Variants in NSD3 observed in about 807,000 individuals in gnomAD.
NSD3 encodes the protein histone-lysine N-methyltransferase NSD3.
A neutral mutation model predicts 160.8 loss-of-function variants in NSD3; 24 were observed. The observed-to-expected ratio is 0.15, with a 90% CI of 0.11 to 0.21. The LOEUF is 0.21. Ranked by LOEUF, NSD3 falls within the 10% of genes least tolerant of loss-of-function variation. The pLI, the probability that NSD3 is intolerant of heterozygous loss-of-function variation, is 1.00. For missense variants in NSD3, 1,157 were observed against 1,735.9 expected (o/e 0.67, Z 5.93); for synonymous variants, 520 against 600.0 (o/e 0.87, Z 1.95).
chr8:38,287,840 GACGGGGTTTC>G (rs1808901129), intron 19 of NSD3, among the ~76,000 whole-genome samples: 1 of 152,110 alleles, frequency 6.6e-6, no homozygotes, highest in Non-Finnish European at 1.5e-5. Flanking sequence ...TTTTAGTAGA[GACGGGGTTTC>G]ACCATGTTAG....
intron 1 of NSD3, among the ~76,000 whole-genome samples, chr8:38,375,899 A>G (rs1182595056): frequency 1.3e-5 from 2 of 152,114 alleles, no homozygotes; most frequent in African/African-American, 4.8e-5. Flanking sequence ...TAAAGTTTTA[A>G]CAATTTTAAT....
intron 1 of NSD3, among the ~76,000 whole-genome samples, chr8:38,380,459 T>G (rs1188131373): frequency 1.3e-5 from 2 of 152,238 alleles, no homozygotes; most frequent in Non-Finnish European, 2.9e-5. Flanking sequence ...TGACTGCTTC[T>G]GAGGCTTCCG....
At chr8:38,360,848 T>G (rs778726165) in intron 1 of NSD3, among the ~76,000 whole-genome samples, 19 of 152,240 alleles carry the variant, frequency 1.2e-4, no homozygotes, top group Non-Finnish European at 2.6e-4. Flanking sequence ...ATGCCATTTT[T>G]GTATAATTAC....
intron 4 of NSD3, among the ~76,000 whole-genome samples, chr8:38,336,352 A>C (rs1563359079): frequency 6.6e-6 from 1 of 152,240 alleles, no homozygotes; most frequent in Non-Finnish European, 1.5e-5. Flanking sequence ...TCTTTGGTCA[A>C]ATCCCAGAAA....
At position 38,272,406 on chromosome 8, in the gene NSD3, G is replaced by A. The variant is rs1435371864; in HGVS notation, c.*3235C>T. On this transcript the variant is annotated 3_prime_UTR_variant, in exon 24 of 24. Transcript: ENST00000317025. The stretch of plus-strand genomic sequence containing the variant: ...TCTCTCCCTGATTAGACATTAAAGA[G>A]GTGAATCACTGCCTCTGGCTGCTTC... 6.6e-6 allele frequency: 1 copy of A among 152,224 alleles called. No homozygotes were observed. The highest frequency in any genetic ancestry group is 2.4e-5 in the African/African-American group (1 of 41,442). The allele number at this position is 152,224 out of a possible 1,614,324, so 9.4% of individuals were successfully genotyped here.
At chr8:38,363,823 T>C (rs575772339) in intron 1 of NSD3, 1 of 152,312 alleles carries the variant, frequency 6.6e-6, no homozygotes, top group Admixed American at 6.5e-5. Context: ...AAGTTTGTTG[T>C]AATTTGTTAC....
At chr8:38,311,472 A>G (rs781104494) in intron 12 of NSD3, among the ~76,000 whole-genome samples, 72 of 152,126 alleles carry the variant, frequency 4.7e-4, no homozygotes, top group Non-Finnish European at 8.2e-4. Context: ...AATTATAGGC[A>G]TGTGCCACCA....
At chr8:38,302,066 C>T (rs1249348945) in intron 14 of NSD3, among the ~76,000 whole-genome samples, 2 of 152,244 alleles carry the variant, frequency 1.3e-5, no homozygotes, top group Non-Finnish European at 2.9e-5. Context: ...GGAGTGATGT[C>T]AAACCCTGAA....
intron 1 of NSD3, among the ~76,000 whole-genome samples, chr8:38,353,671 C>T (rs147453985): frequency 6.6e-5 from 10 of 152,292 alleles, no homozygotes; most frequent in African/African-American, 2.2e-4. Flanking sequence ...ACATTACCTT[C>T]TTATAATTAC....
intron 1 of NSD3, among the ~76,000 whole-genome samples, chr8:38,361,159 A>G (rs988679299): frequency 6.6e-6 from 1 of 151,960 alleles, no homozygotes; most frequent in Non-Finnish European, 1.5e-5. Flanking sequence ...AAGCCCAGCT[A>G]ATTTTTGTAT....
chr8:38,310,893 A>G (rs1809518225), intron 12 of NSD3, among the ~76,000 whole-genome samples: 1 of 152,054 alleles, frequency 6.6e-6, no homozygotes, highest in Non-Finnish European at 1.5e-5. Flanking sequence ...TTAAGAAACC[A>G]TCATTGGGTT....
At chr8:38,277,828 G>T (rs1342944005) in intron 22 of NSD3, among the ~76,000 whole-genome samples, 1 of 152,012 alleles carries the variant, frequency 6.6e-6, no homozygotes, top group African/African-American at 2.4e-5. Context: ...AAGCTTCCTT[G>T]GAAAGTCACA....
chr8:38,370,561 T>C (rs542273675), intron 1 of NSD3, among the ~76,000 whole-genome samples: 1 of 152,256 alleles, frequency 6.6e-6, no homozygotes, highest in East Asian at 1.9e-4. Flanking sequence ...CTAAAATCTC[T>C]CTCAAATGCA....
At position 38,304,841 on chromosome 8, in the gene NSD3, T is replaced by A. The variant is rs1809358419; in HGVS notation, c.2441-84A>T. On this transcript the variant is annotated intron_variant, in intron 13 of 23. Coordinates refer to ENST00000317025, the MANE Select transcript of NSD3 (RefSeq NM_023034.2). ...GTTTCTGGAGTTGGGCTTTTTTGGG[T>A]CCCTCTGAGATGCTAGTTACAGTAG... 3 of 1,419,942 alleles carry A rather than the reference T, an allele frequency of 2.1e-6. No homozygotes were observed. In the Admixed American group the frequency reaches 7.3e-5, roughly 35 times the overall value. The allele number at this position is 1,419,942 out of a possible 1,614,324, so 88.0% of individuals were successfully genotyped here.
chr8:38,305,805 T>G (rs1356466511), intron 12 of NSD3, among the ~76,000 whole-genome samples: 1 of 152,186 alleles, frequency 6.6e-6, no homozygotes, highest in Non-Finnish European at 1.5e-5. Flanking sequence ...AGATAATCAC[T>G]GATTATTTCT....
At chr8:38,307,131 A>T (rs201433510) in intron 12 of NSD3, among the ~76,000 whole-genome samples, 3 of 105,618 alleles carry the variant, frequency 2.8e-5, no homozygotes, top group East Asian at 3.1e-4. Context: ...AAAAAAAATA[A>T]AATAAAATAA....
At chr8:38,361,196 G>A (rs888955189) in intron 1 of NSD3, among the ~76,000 whole-genome samples, 12 of 152,084 alleles carry the variant, frequency 7.9e-5, no homozygotes, top group Non-Finnish European at 1.5e-4. Context: ...GTTTCACCAT[G>A]TTGGCCAGGC....
At chr8:38,341,839 G>C (rs774654220) in intron 2 of NSD3, among the ~76,000 whole-genome samples, 1 of 151,916 alleles carries the variant, frequency 6.6e-6, no homozygotes, top group Non-Finnish European at 1.5e-5. Context: ...CCAGCTACTC[G>C]GGAGGCTAAG....
intron 2 of NSD3, among the ~76,000 whole-genome samples, chr8:38,344,604 G>C (rs1472927119): frequency 6.6e-6 from 1 of 152,008 alleles, no homozygotes; most frequent in Non-Finnish European, 1.5e-5. Flanking sequence ...ATGAGATTTT[G>C]TTTGCTCAAA....
Sources: gnomAD v4.1 joint callset for allele counts (sites outside exome capture counted in the v4.1 genomes callset) on GRCh38, gnomAD v4.1.1 for gene constraint, MANE v1.5 for transcripts, NCBI Gene and HGNC (gene_info 2026-07-23, HGNC 2026-07-21) for gene names.